The following LRP1B variants were observed in gnomAD, a reference collection of about 807,000 sequenced individuals.
LRP1B encodes the protein LDL receptor related protein 1B.
A neutral mutation model predicts 556.6 loss-of-function variants in LRP1B; 217 were observed. That is an observed-to-expected ratio of 0.39 (90% CI 0.35 to 0.44). The LOEUF (loss-of-function observed/expected upper bound fraction) is 0.44, where lower values mean the gene tolerates loss of function less well. LRP1B is among the 20% of genes least tolerant of loss of function. LRP1B has a pLI of 1.00. For synonymous variants in LRP1B, 2,047 were observed against 1,865.8 expected (o/e 1.10, Z -2.50); for missense variants, 5,053 against 5,620.8 (o/e 0.90, Z 3.23).
chr2:140,935,104 C>T (rs1261168116), intron 20 of LRP1B, among the ~76,000 whole-genome samples: 1 of 152,022 alleles, frequency 6.6e-6, no homozygotes, highest in East Asian at 1.9e-4. Context: ...TCAACAAAAA[C>T]AAAAATCACA....
intron 2 of LRP1B, among the ~76,000 whole-genome samples, chr2:141,734,246 T>C (rs1693384704): frequency 6.6e-6 from 1 of 152,066 alleles, no homozygotes; most frequent in Admixed American, 6.6e-5. Context: ...ATTCTAATAA[T>C]ATAATCAACT....
chr2:141,157,613 T>C (rs899600994), intron 7 of LRP1B, among the ~76,000 whole-genome samples: 2 of 152,112 alleles, frequency 1.3e-5, no homozygotes, highest in Non-Finnish European at 2.9e-5. Context: ...AATAGTAATA[T>C]CCTATCATGG....
intron 32 of LRP1B, among the ~76,000 whole-genome samples, chr2:140,791,036 C>T (rs1452550681): frequency 1.3e-5 from 2 of 151,218 alleles, no homozygotes; most frequent in African/African-American, 4.9e-5. Flanking sequence ...AGGGTGGATC[C>T]TGAGGTCAAG....
intron 35 of LRP1B, among the ~76,000 whole-genome samples, chr2:140,754,229 G>A (rs758206097): frequency 1.3e-5 from 2 of 152,120 alleles, no homozygotes; most frequent in Admixed American, 6.6e-5. Flanking sequence ...GCAGTTTTAC[G>A]AGTGCAGCAA....
chr2:140,977,122 C>A (rs1272567247), intron 18 of LRP1B, among the ~76,000 whole-genome samples: 1 of 152,148 alleles, frequency 6.6e-6, no homozygotes. Flanking sequence ...CTCGTCCCCA[C>A]CCAAGTCACA....
intron 68 of LRP1B, among the ~76,000 whole-genome samples, chr2:140,375,165 CTG>C (rs773327824): frequency 7.4e-6 from 1 of 134,714 alleles, no homozygotes; most frequent in Non-Finnish European, 1.6e-5. Flanking sequence ...GATTTTTATA[CTG>C]TGTGTATGTG....
intron 2 of LRP1B, among the ~76,000 whole-genome samples, chr2:141,504,722 T>C (rs1683858219): frequency 1.3e-5 from 2 of 152,144 alleles, no homozygotes; most frequent in African/African-American, 4.8e-5. Flanking sequence ...TGGAGGTGGA[T>C]GTCTTAAACC....
chr2:140,319,837 A>AGG (rs1397540307), intron 82 of LRP1B, among the ~76,000 whole-genome samples: 1 of 152,148 alleles, frequency 6.6e-6, no homozygotes, highest in Non-Finnish European at 1.5e-5. Flanking sequence ...GAATGGATAA[A>AGG]GGGGAAGGGA....
chr2:141,024,483 T>C (rs1698161202), intron 11 of LRP1B, among the ~76,000 whole-genome samples: 1 of 152,016 alleles, frequency 6.6e-6, no homozygotes, highest in South Asian at 2.1e-4. Context: ...TCTCAATGGG[T>C]CAGGGGATAC....
At chr2:141,778,774 C>CT (rs968156526) in intron 2 of LRP1B, among the ~76,000 whole-genome samples, 5 of 152,200 alleles carry the variant, frequency 3.3e-5, no homozygotes, top group Admixed American at 6.5e-5. Flanking sequence ...AAGACAGACA[C>CT]TTTTTTTTCT....
At position 141,209,281 on chromosome 2, in the gene LRP1B, G is replaced by GT. The variant is rs573763121; in HGVS notation, c.850+19901dup. ...TTATCCTCATGCTGTTCTCATGAGA[G>GT]TAAGTTCTCAGGAGATCTGATGGTT... On this transcript the variant is annotated intron_variant, in intron 6 of 90. Transcript: ENST00000389484. 1.5e-3 allele frequency among the ~76,000 whole-genome samples: 232 copies of GT among 152,260 alleles called. 3 individuals are homozygous for GT. Among genetic ancestry groups the GT allele is most frequent in the Non-Finnish European group, 2.9e-4 (20 of 68,018 alleles).
intron 59 of LRP1B, among the ~76,000 whole-genome samples, chr2:140,483,640 A>ATATATATATTT (rs1491228405): frequency 1.8e-4 from 13 of 70,738 alleles, no homozygotes; most frequent in African/African-American, 7.0e-4. Context: ...ATATATATAT[A>ATATATATATTT]TTTTTTTTTT....
chr2:141,458,683 T>A (rs1221083226), intron 3 of LRP1B, among the ~76,000 whole-genome samples: 1 of 152,096 alleles, frequency 6.6e-6, no homozygotes, highest in Non-Finnish European at 1.5e-5. Context: ...AAAATCAACT[T>A]TTAGCCAACA....
At chr2:142,076,029 C>G (rs75074620) in intron 1 of LRP1B, among the ~76,000 whole-genome samples, 4,432 of 152,136 alleles carry the variant, frequency 0.029, 205 homozygotes, top group African/African-American at 0.1. Flanking sequence ...TAACCACAGC[C>G]CCCTCCCACG....
intron 32 of LRP1B, among the ~76,000 whole-genome samples, chr2:140,811,756 T>TA (rs141268829): frequency 7.2e-5 from 11 of 152,150 alleles, no homozygotes; most frequent in African/African-American, 2.2e-4. Context: ...TTCTGTTTTT[T>TA]AAAAAAAGTC....
At chr2:141,219,550 C>A (rs1682949985) in intron 6 of LRP1B, among the ~76,000 whole-genome samples, 1 of 152,166 alleles carries the variant, frequency 6.6e-6, no homozygotes, top group African/African-American at 2.4e-5. Flanking sequence ...GGATTCTCCC[C>A]AGTGCAGCCA....
Position 141,639,308 on chromosome 2 carries a change from A to ATG in LRP1B, c.206-158776_206-158775insCA, listed in dbSNP as rs1689226519. ...CCAGGAGTACGCATCATGTGTGTAT[A>ATG]TATATATATATATATATATATATAT... On this transcript the variant is annotated intron_variant, in intron 2 of 90. Transcript: ENST00000389484. 8.9e-4 allele frequency among the ~76,000 whole-genome samples: 5 copies of ATG among 5,590 alleles called. No homozygotes were observed. In the South Asian group the frequency reaches 0.018, roughly 20 times the overall value. The allele number at this position is 5,590 out of a possible 152,430, so 3.7% of individuals were successfully genotyped here. A position where few individuals can be genotyped will look rare whatever the true frequency, so the allele number is the denominator to read the frequency against.
At chr2:140,304,592 C>G (rs1370878682) in intron 83 of LRP1B, among the ~76,000 whole-genome samples, 2 of 152,022 alleles carry the variant, frequency 1.3e-5, no homozygotes, top group African/African-American at 4.8e-5. Flanking sequence ...AAATGTTCTC[C>G]CATTCTGTAG....
intron 66 of LRP1B, among the ~76,000 whole-genome samples, chr2:140,387,637 AT>A (rs1367314799): frequency 6.6e-6 from 1 of 151,760 alleles, no homozygotes; most frequent in Non-Finnish European, 1.5e-5. Context: ...CCTGCTAATA[AT>A]TATTCAGAAT....
Sources: allele counts gnomAD v4.1 joint callset (sites outside exome capture counted in the v4.1 genomes callset), GRCh38; gene constraint gnomAD v4.1.1; transcripts MANE v1.5; gene names NCBI Gene and HGNC (gene_info 2026-07-23, HGNC 2026-07-21).